NOX1: variants seen among roughly 807,000 people sequenced by gnomAD.
NOX1 encodes the protein NADPH oxidase 1, also known as NADH/NADPH mitogenic oxidase subunit P65-MOX.
A neutral mutation model predicts 42.5 loss-of-function variants in NOX1; 34 were observed. The observed-to-expected ratio is 0.80, with a 90% confidence interval of 0.61 to 1.07. NOX1 has a LOEUF of 1.07. Ranked by LOEUF, NOX1 falls within the 50% of genes least tolerant of loss-of-function variation. The pLI is 0.00. For synonymous variants in NOX1, 143 were observed against 152.5 expected (o/e 0.94, Z 0.46); for missense variants, 408 against 427.0 (o/e 0.96, Z 0.39).
intron 7 of NOX1, chrX:100,855,156 A>G (rs897568710): frequency 1.3e-5 from 5 of 397,525 alleles, no homozygotes; most frequent in African/African-American, 7.5e-5. Flanking sequence ...GAGTATTTGT[A>G]TAAAACATGT....
chrX:100,858,451 TTTC>T (rs1206443776), intron 7 of NOX1, among the ~76,000 whole-genome samples: 1 of 111,875 alleles, frequency 8.9e-6, no homozygotes, highest in African/African-American at 3.3e-5. Flanking sequence ...ATAGTTTTTT[TTTC>T]TTATTCTGTG....
At chrX:100,846,245 G>A (rs1043806638) in intron 12 of NOX1, among the ~76,000 whole-genome samples, 1 of 112,294 alleles carries the variant, frequency 8.9e-6, no homozygotes, top group Non-Finnish European at 1.9e-5. Flanking sequence ...ACACTTTGAG[G>A]AACTGCCAAA....
At position 100,853,261 on chromosome X, in the gene NOX1, C is replaced by CTTTCT. The variant is rs2085129900; in HGVS notation, c.805-1937_805-1936insAGAAA. Among the ~76,000 whole-genome samples the CTTTCT allele has an allele frequency of 1.3e-4, 3 of 23,439 alleles. 1 individual carries two copies. Among genetic ancestry groups the CTTTCT allele is most frequent in the African/African-American group, 8.9e-4 (3 of 3,366 alleles). The allele number at this position is 23,439 out of a possible 115,157, so 20.4% of individuals were successfully genotyped here. A position where few individuals can be genotyped will look rare whatever the true frequency, so the allele number is the denominator to read the frequency against. ...TCTTTCTTTCCTTCCTTCCTTCCTT[C>CTTTCT]CTTTCTTTCTTTCTTTCTTTCTTTC... On this transcript the variant is annotated intron_variant, in intron 7 of 12. Transcript: ENST00000372966.
chrX:100,859,417 C>T (rs2085188607), intron 7 of NOX1, among the ~76,000 whole-genome samples: 1 of 111,194 alleles, frequency 9.0e-6, no homozygotes, highest in South Asian at 3.8e-4. Flanking sequence ...TGTATCTCTG[C>T]CACGTTTTGG....
Position 100,863,647 on chromosome X carries a change from C to T in NOX1, c.142-52G>A, listed in dbSNP as rs748097066. 5.0e-5 allele frequency: 58 copies of T among 1,158,292 alleles called. No homozygotes were observed. The East Asian group carries it at 1.5e-3, about 31-fold the overall frequency. On this transcript the variant is annotated intron_variant, in intron 2 of 12. Coordinates refer to ENST00000372966, the MANE Select transcript of NOX1 (RefSeq NM_007052.5). Reference sequence around the variant, plus strand: ...TCAGCTGCTTCATTTCACCATCTAGCACGTGAGCAACTGACCCAGCCCACT... The same window carrying T: ...TCAGCTGCTTCATTTCACCATCTAGTACGTGAGCAACTGACCCAGCCCACT...
rs2085053883 is a variant in NOX1 at position 100,843,960 on chromosome X, T to G, written c.1687A>C (p.Asn563His). 3.3e-6 allele frequency: 4 copies of G among 1,204,343 alleles called. No homozygotes were observed. Among genetic ancestry groups the G allele is most frequent in the Middle Eastern group, 4.6e-4 (2 of 4,327 alleles). Residue 563 changes from asparagine (N) to histidine (H), a missense_variant, in exon 13 of 13, where the codon AAT becomes CAT. By Grantham distance (68) the Asn-to-His change is moderately conservative (BLOSUM62 1). Coordinates refer to ENST00000372966, the MANE Select transcript of NOX1 (RefSeq NM_007052.5). ...RKVQFYFNKENF is the reference protein window; with the variant it reads ...RKVQFYFNKEHF ...GTCCTTATTCCTATAACTCAAAAAT[T>G]TTCTTTGTTGAAGTAGAATTGAACC...
At chrX:100,849,643 A>G in intron 10 of NOX1, 129 bp downstream of exon 10, 1 of 705,536 alleles carries the variant, frequency 1.4e-6, no homozygotes, top group Non-Finnish European at 2.1e-6. Context: ...CCTGGCCAAG[A>G]GAAGTGATCA....
In NOX1 at chrX:100,848,617, A is replaced by G; in HGVS notation, c.1568+13T>C. ...CCCTGTAAACTCATCTTACTAGAGG[A>G]AAATATACTTACTTGGGGTGGGAGG... On this transcript the variant is annotated intron_variant, in intron 12 of 12. Coordinates refer to ENST00000372966, the MANE Select transcript of NOX1 (RefSeq NM_007052.5). 8.3e-7 allele frequency: 1 copy of G among 1,207,300 alleles called. No homozygotes were observed. The highest frequency in any genetic ancestry group is 3.0e-5 in the East Asian group (1 of 33,633).
At chrX:100,873,178 G>A (rs1045569180) in intron 1 of NOX1, among the ~76,000 whole-genome samples, 2 of 110,723 alleles carry the variant, frequency 1.8e-5, no homozygotes, top group Non-Finnish European at 3.8e-5. Flanking sequence ...AAGGACACAG[G>A]GAGCCCCAGG....
intron 12 of NOX1, among the ~76,000 whole-genome samples, chrX:100,848,263 C>A (rs780017095): frequency 9.0e-6 from 1 of 110,530 alleles, no homozygotes. Flanking sequence ...GTTGTAATAC[C>A]TTTCCTAAAT....
intron 7 of NOX1, among the ~76,000 whole-genome samples, chrX:100,859,759 GTT>G (rs376659757): frequency 1.0e-5 from 1 of 96,765 alleles, no homozygotes; most frequent in Admixed American, 1.1e-4. Flanking sequence ...GTCTCTGAGG[GTT>G]TTTTTTTTTT....
chrX:100,854,645 A>G (rs2085154110), intron 7 of NOX1, among the ~76,000 whole-genome samples: 2 of 112,119 alleles, frequency 1.8e-5, no homozygotes, highest in South Asian at 7.4e-4. Flanking sequence ...CTTCATTCCC[A>G]TCTATAATTT....
intron 2 of NOX1, among the ~76,000 whole-genome samples, chrX:100,864,180 G>C (rs1411887682): frequency 1.8e-5 from 2 of 111,231 alleles, no homozygotes; most frequent in Non-Finnish European, 3.8e-5. Flanking sequence ...GGTAGAGACA[G>C]GGTTTTGCCA....
intron 2 of NOX1, among the ~76,000 whole-genome samples, chrX:100,868,739 T>A (rs2085254822): frequency 9.0e-6 from 1 of 111,651 alleles, no homozygotes; most frequent in Non-Finnish European, 1.9e-5. Context: ...AAAACCAAAC[T>A]CTTTCTTAAA....
At chrX:100,859,483 A>T (rs2147913981) in intron 7 of NOX1, among the ~76,000 whole-genome samples, 1 of 111,357 alleles carries the variant, frequency 9.0e-6, no homozygotes. Context: ...CTCCTCCTCA[A>T]TTTTTTTGCA....
At chrX:100,853,881 G>A (rs756375570) in intron 7 of NOX1, among the ~76,000 whole-genome samples, 4 of 111,334 alleles carry the variant, frequency 3.6e-5, no homozygotes, top group South Asian at 4.0e-4. Context: ...GGTGGCTCAC[G>A]CCTGTAATCC....
At chrX:100,862,345 G>A (rs2085209874) in intron 6 of NOX1, 42 bp from the exon 7 acceptor site, 1 of 1,208,217 alleles carries the variant, frequency 8.3e-7, no homozygotes, top group Admixed American at 2.2e-5. Context: ...AAAGAATTAT[G>A]CAAGGTCAGG....
At chrX:100,858,295 T>C (rs1216231674) in intron 7 of NOX1, among the ~76,000 whole-genome samples, 1 of 112,217 alleles carries the variant, frequency 8.9e-6, no homozygotes, top group Non-Finnish European at 1.9e-5. Flanking sequence ...TCTGTGTGTC[T>C]GTTTTTATAC....
At chrX:100,871,645 A>T (rs1466744824) in intron 1 of NOX1, among the ~76,000 whole-genome samples, 1 of 111,748 alleles carries the variant, frequency 8.9e-6, no homozygotes, top group East Asian at 2.8e-4. Flanking sequence ...TGAAATTTGG[A>T]ACTCACTGCC....
Sources: gnomAD v4.1 joint callset for allele counts (sites outside exome capture counted in the v4.1 genomes callset) on GRCh38, gnomAD v4.1.1 for gene constraint, MANE v1.5 for transcripts, NCBI Gene and HGNC (gene_info 2026-07-23, HGNC 2026-07-21) for gene names.